MAP3K19: variants seen among roughly 807,000 people sequenced by gnomAD.
MAP3K19 encodes the protein SPS1/STE20-related protein kinase YSK4.
Under a neutral mutation model 114.4 loss-of-function variants are expected in MAP3K19, and 91 were observed. The observed-to-expected ratio is 0.80, with a 90% confidence interval of 0.67 to 0.95. The LOEUF (loss-of-function observed/expected upper bound fraction) is 0.95, where lower values mean the gene tolerates loss of function less well. Ranked by LOEUF, MAP3K19 falls within the 40% of genes least tolerant of loss-of-function variation. MAP3K19 has a pLI of 0.00. For synonymous variants in MAP3K19, 518 were observed against 530.5 expected, an observed-to-expected ratio of 0.98 and a Z score of 0.32; for missense variants, 1,471 against 1,573.2, an observed-to-expected ratio of 0.94 and a Z score of 1.10.
At chr2:134,972,455 T>C (rs186588677) in intron 12 of MAP3K19, among the ~76,000 whole-genome samples, 178 of 152,280 alleles carry the variant, frequency 1.2e-3, no homozygotes, top group African/African-American at 4.1e-3. Flanking sequence ...TTCTTCTGTT[T>C]CCTTGATTAT....
At chr2:134,983,920 C>G (rs1306030439) in intron 10 of MAP3K19, 95 bp from the exon 11 acceptor site, 2 of 810,866 alleles carry the variant, frequency 2.5e-6, no homozygotes, top group South Asian at 2.0e-5. Flanking sequence ...TCAAATGTTC[C>G]TGTCTGTGGC....
intron 11 of MAP3K19, among the ~76,000 whole-genome samples, chr2:134,982,607 C>T (rs1301171718): frequency 6.6e-6 from 1 of 152,088 alleles, no homozygotes; most frequent in African/African-American, 2.4e-5. Flanking sequence ...GCCTCGGCCT[C>T]CCAAAGTTCT....
chr2:134,998,643 C>T, intron 8 of MAP3K19, 95 bp downstream of exon 8: 3 of 1,332,072 alleles, frequency 2.3e-6, no homozygotes, highest in Non-Finnish European at 3.0e-6. Flanking sequence ...GGTATGTTCA[C>T]TGCTTTATCT....
intron 10 of MAP3K19, among the ~76,000 whole-genome samples, chr2:134,984,898 G>A (rs1290178646): frequency 6.6e-6 from 1 of 152,196 alleles, no homozygotes; most frequent in Non-Finnish European, 1.5e-5. Context: ...TTTGCAGCAA[G>A]CCGAGATCGC....
At position 135,042,486 on chromosome 2, in the gene MAP3K19, A is replaced by T. The variant is rs1056707902; in HGVS notation, c.-423-1984T>A. Among the ~76,000 whole-genome samples the T allele has an allele frequency of 2.0e-5, 3 of 147,420 alleles. No individual in the cohort carries two copies. The Admixed American group carries it at 2.1e-4, about 10-fold the overall frequency. ...CACTGCACTCCAGCCTGGGCGACAG[A>T]GCGAGACTCTGTCTCAAAAAAAAAA... On this transcript the variant is annotated intron_variant, in intron 1 of 12. Coordinates refer to ENST00000392915, the MANE Select transcript of MAP3K19 (RefSeq NM_025052.5).
In MAP3K19 at chr2:134,987,929, C is replaced by A; in HGVS notation, c.943G>T (p.Glu315Ter). The part of the protein sequence containing the change: ...EENWKSKEIE[E>*]CNKIEITHFE... ...TGAGTGATTTCAATTTTGTTACATT[C>A]TTCTATTTCCTTGGATTTCCAGTTT... Residue 315 changes from glutamate (E) to a stop codon, truncating the protein, a stop_gained, in exon 10 of 13, where the codon GAA becomes TAA. Coordinates refer to ENST00000392915, the MANE Select transcript of MAP3K19 (RefSeq NM_025052.5). LOFTEE classifies it high-confidence loss of function. 6.2e-7 allele frequency: 1 copy of A among 1,614,176 alleles called. No homozygotes were observed. The highest frequency in any genetic ancestry group is 8.5e-7 in the Non-Finnish European group (1 of 1,180,030).
rs150112306 is a variant in MAP3K19, at chr2:135,032,194, T to C, written c.-283-1694A>G. On this transcript the variant is annotated intron_variant, in intron 2 of 12. Transcript: ENST00000392915. ...CAAGATGGTGAAACCCCATCTCTAC[T>C]AAAAATACAAAAATTAGCCAGGCAC... Among the ~76,000 whole-genome samples the C allele has an allele frequency of 8.5e-3, 1,291 of 151,822 alleles. 39 individuals are homozygous for C. The highest frequency in any genetic ancestry group is 0.061 in the Admixed American group (928 of 15,226).
rs919789128 is a variant in MAP3K19, at chr2:134,998,798, T to C, written c.514A>G (p.Lys172Glu). The C allele has an allele frequency of 6.2e-7, 1 of 1,613,708 alleles. No individual in the cohort carries two copies. The highest frequency in any genetic ancestry group is 8.5e-7 in the Non-Finnish European group (1 of 1,179,674). ...PRSCLELNIS[K>E]SVTREDAPHF... ...GGAGCATCTTCTCTGGTTACAGACT[T>C]GGAAATGTTCAGTTCTAAACAAGAT... The change falls in exon 8 of 13, where the codon AAG becomes GAG. Residue 172 changes from lysine (K) to glutamate (E), a missense_variant. Physicochemically the swap from Lys to Glu is moderately conservative, Grantham distance 56. Coordinates refer to ENST00000392915, the MANE Select transcript of MAP3K19 (RefSeq NM_025052.5).
chr2:134,977,659 G>C (rs968943896), intron 12 of MAP3K19, among the ~76,000 whole-genome samples: 2 of 152,012 alleles, frequency 1.3e-5, no homozygotes. Flanking sequence ...ACCGCGCCCG[G>C]CTAATTTTTA....
At chr2:134,975,622 G>A (rs1288435312) in intron 12 of MAP3K19, among the ~76,000 whole-genome samples, 2 of 152,146 alleles carry the variant, frequency 1.3e-5, no homozygotes, top group Non-Finnish European at 2.9e-5. Flanking sequence ...ATGTGCAAGT[G>A]TGCTATAGCC....
At chr2:135,015,990 T>A (rs987564745) in intron 5 of MAP3K19, among the ~76,000 whole-genome samples, 1 of 152,152 alleles carries the variant, frequency 6.6e-6, no homozygotes, top group Middle Eastern at 3.4e-3. Context: ...ATGGCTCACA[T>A]CTATAATTCC....
At chr2:134,976,166 G>T (rs893341540) in intron 12 of MAP3K19, among the ~76,000 whole-genome samples, 2 of 152,160 alleles carry the variant, frequency 1.3e-5, no homozygotes, top group African/African-American at 4.8e-5. Context: ...AGTTGCAGGG[G>T]CTGTTGGACC....
chr2:135,007,528 C>CT (rs1040502006), intron 5 of MAP3K19, among the ~76,000 whole-genome samples: 10 of 150,914 alleles, frequency 6.6e-5, no homozygotes, highest in African/African-American at 1.9e-4. Flanking sequence ...CTTTCTTTTC[C>CT]TTTTTTTTTC....
At chr2:135,039,929 A>G (rs1484961222) in intron 2 of MAP3K19, among the ~76,000 whole-genome samples, 1 of 152,210 alleles carries the variant, frequency 6.6e-6, no homozygotes, top group Non-Finnish European at 1.5e-5. Context: ...AGCTAGAACA[A>G]AGAGGACAAA....
rs974154712 is a variant in MAP3K19, at chr2:134,988,131, C to T, written c.741G>A (p.Lys247=). Residue 247 remains lysine, a synonymous_variant, in exon 10 of 13, where the codon AAG becomes AAA. Transcript: ENST00000392915. ...CAGATTGACGAACAGACACTGAGAG[C>T]TTAGGCACAAAAGATGTGAGACTTG... ...NIPSLTSFVP[K]LSVSVRQSDE... 4 of 1,613,966 alleles carry T rather than the reference C, an allele frequency of 2.5e-6. No homozygotes were observed. The highest frequency in any genetic ancestry group is 1.1e-5 in the South Asian group (1 of 91,028).
At chr2:135,000,609 A>T (rs972056918) in intron 6 of MAP3K19, among the ~76,000 whole-genome samples, 2 of 152,220 alleles carry the variant, frequency 1.3e-5, no homozygotes, top group Admixed American at 1.3e-4. Context: ...TTTATTAAGG[A>T]TATGCCAAGC....
chr2:134,997,065 A>C (rs952451379), intron 8 of MAP3K19, among the ~76,000 whole-genome samples: 4 of 152,140 alleles, frequency 2.6e-5, no homozygotes, highest in South Asian at 2.1e-4. Context: ...ACCAACAAAC[A>C]AACAAACAAA....
At chr2:134,992,192 C>T (rs554171648) in intron 8 of MAP3K19, among the ~76,000 whole-genome samples, 9 of 152,276 alleles carry the variant, frequency 5.9e-5, no homozygotes, top group African/African-American at 1.9e-4. Flanking sequence ...GACATTCAGT[C>T]ATCTTTTAAC....
At chr2:134,976,921 C>T (rs1684274760) in intron 12 of MAP3K19, among the ~76,000 whole-genome samples, 1 of 151,740 alleles carries the variant, frequency 6.6e-6, no homozygotes, top group South Asian at 2.1e-4. Flanking sequence ...GTGGCAGGCG[C>T]CTGTAGTCCC....
Sources: allele counts gnomAD v4.1 joint callset (sites outside exome capture counted in the v4.1 genomes callset), GRCh38; gene constraint gnomAD v4.1.1; transcripts MANE v1.5; gene names NCBI Gene and HGNC (gene_info 2026-07-23, HGNC 2026-07-21).